CHRNE: variants seen among roughly 807,000 people sequenced by gnomAD.
CHRNE encodes cholinergic receptor nicotinic epsilon subunit, also known as acetylcholine receptor subunit epsilon.
CHRNE carries 58 observed loss-of-function variants against 56.5 expected under a neutral mutation model. That is an observed-to-expected ratio of 1.03 (90% confidence interval 0.83 to 1.28). The LOEUF (loss-of-function observed/expected upper bound fraction) is 1.28. Among genes scored for constraint, CHRNE ranks in the 50% most tolerant of loss-of-function variants. The pLI is 0.00. For missense variants in CHRNE, 793 were observed against 688.9 expected, an observed-to-expected ratio of 1.15 and a Z score of -1.69; for synonymous variants, 385 against 297.9, an observed-to-expected ratio of 1.29 and a Z score of -3.01.
chr17:4,899,012 C>CCTCCTGATCTCTCGTGCT lies in CHRNE; in HGVS notation c.1297_1314dup (p.Ser433_Glu438dup), dbSNP rs1969834618. ...GGCTCCTGTCCCACCTCGCCGGTGG[C>CCTCCTGATCTCTCGTGCT]CTCCTGATCTCTCGTGCTCTCGGCC... On this transcript the variant is annotated inframe_insertion, in exon 11 of 12. Transcript: ENST00000649488. The CCTCCTGATCTCTCGTGCT allele has an allele frequency of 6.2e-7, 1 of 1,603,494 alleles. No homozygotes were observed. Among genetic ancestry groups the CCTCCTGATCTCTCGTGCT allele is most frequent in the Non-Finnish European group, 8.5e-7 (1 of 1,176,144 alleles).
chr17:4,903,336 G>A (rs1970044090), upstream of CHRNE, among the ~76,000 whole-genome samples: 1 of 152,110 alleles, frequency 6.6e-6, no homozygotes, highest in African/African-American at 2.4e-5. Context: ...GGCGTCTCCT[G>A]AGAGGCACCT....
intron 9 of CHRNE, 28 bp from the exon 10 acceptor site, chr17:4,899,412 G>A: frequency 6.5e-7 from 1 of 1,540,782 alleles, no homozygotes; most frequent in Non-Finnish European, 8.7e-7. Flanking sequence ...CTTAGGGGAC[G>A]AGGTTAGTAC....
In CHRNE at chr17:4,898,777, G is replaced by T. The variant is rs775550642; in HGVS notation, c.1441C>A (p.Arg481=). Residue 481 remains arginine, a synonymous_variant, in exon 12 of 12, where the codon CGA becomes AGA. Transcript: ENST00000649488. ...GGCGCGTAGGGGAGATCAGGCACTC[G>T]GTTGAAGTAGGCCCCGAGGAAGATG... ...SLIFLGAYFN[R]VPDLPYAPCI... is the part of the protein sequence containing the mutation. 1.9e-6 allele frequency: 3 copies of T among 1,609,940 alleles called. No homozygotes were observed. The highest frequency in any genetic ancestry group is 2.2e-5 in the East Asian group (1 of 44,746).
At chr17:4,900,480 C>G in intron 8 of CHRNE, 2 of 1,551,104 alleles carry the variant, frequency 1.3e-6, no homozygotes, top group Non-Finnish European at 1.7e-6. Flanking sequence ...GCAACAGCAG[C>G]TAGGCCTCGG....
chr17:4,902,358 C>T lies in CHRNE; in HGVS notation c.235-32G>A, dbSNP rs1567639996. On this transcript the variant is annotated intron_variant, in intron 3 of 11. Transcript: ENST00000649488. The surrounding 1 kb of genome is among the most constrained non-coding windows in gnomAD (Gnocchi z 4.0). ...GGTGGGGGATGGAAGGCCGCGTGCCCTGCATCTCCCACCTGGCGCTGCCTG... is the reference window on the plus strand; with the variant it reads ...GGTGGGGGATGGAAGGCCGCGTGCCTTGCATCTCCCACCTGGCGCTGCCTG... 3 of 1,613,176 alleles carry T rather than the reference C, an allele frequency of 1.9e-6. No homozygotes were observed. Among genetic ancestry groups the T allele is most frequent in the East Asian group, 4.5e-5 (2 of 44,870 alleles).
upstream of CHRNE, among the ~76,000 whole-genome samples, chr17:4,905,755 G>C (rs1970085797): frequency 6.6e-6 from 1 of 151,960 alleles, no homozygotes; most frequent in Admixed American, 6.6e-5. Context: ...CAGCTACTCG[G>C]GAGGCTGAGG....
At chr17:4,906,002 C>T (rs540876832), upstream of CHRNE, among the ~76,000 whole-genome samples, 4 of 152,332 alleles carry the variant, frequency 2.6e-5, no homozygotes, top group Admixed American at 2.6e-4. Context: ...GCTCTCTGCT[C>T]CTCTCACTTC....
chr17:4,900,696 G>C (rs904469277), intron 8 of CHRNE, 97 bp downstream of exon 8: 14 of 1,465,936 alleles, frequency 9.6e-6, no homozygotes, highest in Non-Finnish European at 1.2e-5. Flanking sequence ...AGCCCAGGGC[G>C]GGGCGAGACA....
At position 4,901,218 on chromosome 17, in the gene CHRNE, C is replaced by T. The variant is rs771744770; in HGVS notation, c.602-28G>A. On this transcript the variant is annotated intron_variant, in intron 6 of 11. Coordinates refer to ENST00000649488, the MANE Select transcript of CHRNE (RefSeq NM_000080.4). Reference sequence around the variant, plus strand: ...GCGGGACGGGGGCACGGTCAGCTGGCTGTCAGAGCGGGGCGCCCGCCGAGC... The same window carrying T: ...GCGGGACGGGGGCACGGTCAGCTGGTTGTCAGAGCGGGGCGCCCGCCGAGC... 6.3e-6 allele frequency: 10 copies of T among 1,593,784 alleles called. No homozygotes were observed. In the East Asian group the frequency reaches 1.8e-4, roughly 29 times the overall value.
chr17:4,903,894 G>A (rs1047044180), upstream of CHRNE, among the ~76,000 whole-genome samples: 3 of 152,164 alleles, frequency 2.0e-5, no homozygotes, highest in Non-Finnish European at 4.4e-5. Context: ...GTCTCGCTCT[G>A]GCGCCCAGAC....
At position 4,900,805 on chromosome 17, in the gene CHRNE, G is replaced by C. The variant is rs370019023; in HGVS notation, c.905C>G (p.Pro302Arg). ...GCTCCGGCTTCACCTGCCCAGGAGC[G>C]GCACGCTCAGAGAAGTCTCTGGGAT... ...QKIPETSLSV[P>R]LLGRFLIFVM... The change falls in exon 8 of 12, where the codon CCG (proline) becomes CGG (arginine). Residue 302 changes from proline to arginine, a missense_variant. Pro to Arg is a moderately radical substitution (Grantham distance 103, BLOSUM62 -2). Transcript: ENST00000649488. The C allele has an allele frequency of 1.1e-5, 17 of 1,613,696 alleles. No individual in the cohort carries two copies. Among genetic ancestry groups the C allele is most frequent in the Non-Finnish European group, 1.4e-5 (16 of 1,179,826 alleles).
chr17:4,908,066 A>C (rs146205243), upstream of CHRNE, among the ~76,000 whole-genome samples: 15 of 152,232 alleles, frequency 9.9e-5, no homozygotes, highest in East Asian at 2.5e-3. Flanking sequence ...GCTACTCGGG[A>C]GGCTGAGGCA....
Position 4,901,926 on chromosome 17 carries a change from T to C in CHRNE, c.500+6A>G. On this transcript the variant is annotated splice_donor_region_variant and intron_variant, in intron 5 of 11. Transcript: ENST00000649488. ...ATCGTCCGGGCCTCGGAGTAGCTCT[T>C]CCCACCGGAAAATAAGCGAACAGTT... 6.3e-7 allele frequency: 1 copy of C among 1,583,314 alleles called. No homozygotes were observed.
At chr17:4,901,703 G>T in intron 5 of CHRNE, 78 bp from the exon 6 acceptor site, 1 of 1,442,644 alleles carries the variant, frequency 6.9e-7, no homozygotes, top group Non-Finnish European at 9.7e-7. Context: ...TGGAAGCTGG[G>T]ATCTAGCGGG....
rs757445616 is a variant in CHRNE, at chr17:4,898,899, A to C, written c.1327-8T>G. 1 of 1,574,936 alleles carries C rather than the reference A, an allele frequency of 6.3e-7. No homozygotes were observed. Among genetic ancestry groups the C allele is most frequent in the East Asian group, 2.3e-5 (1 of 43,312 alleles). On this transcript the variant is annotated splice_polypyrimidine_tract_variant and splice_region_variant and intron_variant, in intron 11 of 11. Coordinates refer to ENST00000649488, the MANE Select transcript of CHRNE (RefSeq NM_000080.4). ...CACCCAGTCGGACACTTCCTGGGGA[A>C]GGGTCGGCACAGTCAGTAAAGAGGC...
In CHRNE at chr17:4,898,709, T is replaced by C. The variant is rs954132522; in HGVS notation, c.*27A>G. 6.2e-7 allele frequency: 1 copy of C among 1,603,014 alleles called. No homozygotes were observed. The highest frequency in any genetic ancestry group is 8.5e-7 in the Non-Finnish European group (1 of 1,175,580). On this transcript the variant is annotated 3_prime_UTR_variant, in exon 12 of 12. Coordinates refer to ENST00000649488, the MANE Select transcript of CHRNE (RefSeq NM_000080.4). ...TTCAAAATCAATTTCCTACTGGAGA[T>C]GGGTGGGAAATTGAAGTCGGTGCGA...
In CHRNE at chr17:4,900,890, T is replaced by C. The variant is rs774407731; in HGVS notation, c.820A>G (p.Thr274Ala). The change falls in exon 8 of 12, where the codon ACG becomes GCG. Residue 274 changes from threonine (T) to alanine (A), a missense_variant. Coordinates refer to ENST00000649488, the MANE Select transcript of CHRNE (RefSeq NM_000080.4). ...GCGAGCAGGACGTTGATGGAGACCG[T>C]GCATTTCTGGCCGCCGGCTGGAGGG... ...LPAQAGGQKC[T>A]VSINVLLAQT... 1.2e-4 allele frequency: 194 copies of C among 1,613,974 alleles called. 1 individual carries two copies. Among genetic ancestry groups the C allele is most frequent in the Non-Finnish European group, 1.5e-4 (182 of 1,179,978 alleles).
upstream of CHRNE, among the ~76,000 whole-genome samples, chr17:4,903,860 TA>T (rs200246783): frequency 6.6e-6 from 1 of 152,138 alleles, no homozygotes; most frequent in African/African-American, 2.4e-5. Flanking sequence ...TGTTCCTTTT[TA>T]AAAAAAATTT....
chr17:4,906,163 G>A (rs1597625608), upstream of CHRNE, among the ~76,000 whole-genome samples: 1 of 152,280 alleles, frequency 6.6e-6, no homozygotes, highest in East Asian at 1.9e-4. Context: ...TGTTCCCGTT[G>A]CTACTGCCTG....
Sources: gnomAD v4.1 joint callset for allele counts (sites outside exome capture counted in the v4.1 genomes callset) on GRCh38, gnomAD v4.1.1 for gene constraint, Gnocchi (gnomAD v3.1) non-coding constraint, MANE v1.5 for transcripts, NCBI Gene and HGNC (gene_info 2026-07-23, HGNC 2026-07-21) for gene names.